Variants in SLC47A2 observed in about 807,000 individuals in gnomAD.
The protein encoded by SLC47A2 is solute carrier family 47 member 2, also known as multidrug and toxin extrusion protein 2.
Under a neutral mutation model 67.7 loss-of-function variants are expected in SLC47A2, and 52 were observed. The ratio of observed to expected loss-of-function variants is 0.77; its 90% CI spans 0.61 to 0.97. The LOEUF is 0.97. Among genes scored for constraint, SLC47A2 ranks in the 50% least tolerant of loss-of-function variants. The pLI, the probability that SLC47A2 is intolerant of heterozygous loss-of-function variation, is 0.00. For synonymous variants in SLC47A2, 278 were observed against 292.9 expected, an observed-to-expected ratio of 0.95 and a Z score of 0.52; for missense variants, 676 against 712.3, an observed-to-expected ratio of 0.95 and a Z score of 0.58.
chr17:19,714,520 C>T (rs1029468727), intron 3 of SLC47A2: 4 of 646,898 alleles, frequency 6.2e-6, no homozygotes, highest in Non-Finnish European at 1.1e-5. Flanking sequence ...CCCCTTTCTC[C>T]TGGCCCAGAC....
intron 10 of SLC47A2, 97 bp downstream of exon 10, chr17:19,705,339 G>C (rs969751406): frequency 1.5e-6 from 2 of 1,343,326 alleles, no homozygotes; most frequent in African/African-American, 1.5e-5. Context: ...TCCTTCGGGA[G>C]ACAGAGATAG....
At chr17:19,716,288 G>C in intron 1 of SLC47A2, 145 bp downstream of exon 1, 1 of 1,298,364 alleles carries the variant, frequency 7.7e-7, no homozygotes, top group South Asian at 1.6e-5. Flanking sequence ...CCATCCTGCT[G>C]TCCCCAGACT....
chr17:19,716,579 C>G lies in SLC47A2; in HGVS notation c.-24G>C, dbSNP rs2086275011. 4.4e-6 allele frequency: 7 copies of G among 1,573,036 alleles called. No individual in the cohort carries two copies. In the East Asian group the frequency reaches 1.6e-4, roughly 36 times the overall value. Reference sequence around the variant, plus strand: ...ATTCCTGGCCGGGGCACTGGCTACCCTGCACGCCTGAGCGCCTGCACGGCC... The same window carrying G: ...ATTCCTGGCCGGGGCACTGGCTACCGTGCACGCCTGAGCGCCTGCACGGCC... On this transcript the variant is annotated 5_prime_UTR_variant, in exon 1 of 17. Transcript: ENST00000433844.
intron 10 of SLC47A2, 48 bp from the exon 11 acceptor site, chr17:19,704,226 C>T (rs1370325804): frequency 1.5e-5 from 22 of 1,507,758 alleles, no homozygotes; most frequent in Non-Finnish European, 2.0e-5. Context: ...ACCCTCCAAC[C>T]CCTGAAGTCC....
At chr17:19,687,975 C>G (rs1028041767) in intron 13 of SLC47A2, among the ~76,000 whole-genome samples, 3 of 152,120 alleles carry the variant, frequency 2.0e-5, no homozygotes, top group African/African-American at 7.2e-5. Flanking sequence ...GAACCAATAC[C>G]AGTCCTATTA....
chr17:19,707,403 A>G (rs1567631654), intron 8 of SLC47A2, among the ~76,000 whole-genome samples: 2 of 152,200 alleles, frequency 1.3e-5, no homozygotes, highest in South Asian at 2.1e-4. Context: ...TGAGGTTTAA[A>G]TGAATTCAGG....
chr17:19,705,845 C>A (rs2085920556), intron 9 of SLC47A2, among the ~76,000 whole-genome samples: 1 of 152,160 alleles, frequency 6.6e-6, no homozygotes, highest in African/African-American at 2.4e-5. Context: ...GTGATCCACC[C>A]ACCTCGGCCT....
At position 19,685,522 on chromosome 17, in the gene SLC47A2, G is replaced by A. The variant is rs1271108280; in HGVS notation, c.1165-3852C>T. On this transcript the variant is annotated intron_variant, in intron 13 of 16. Coordinates refer to ENST00000433844, the MANE Select transcript of SLC47A2 (RefSeq NM_001099646.3). This position sits in a 1 kb window ranked among gnomAD's most constrained non-coding sequence, Gnocchi z 4.5. ...CATCTGGGAGGTGAGGAGCGCCTCTGCCTGGCCGCCCCGTCTGGGAGGGTT... is the reference window on the plus strand; with the variant it reads ...CATCTGGGAGGTGAGGAGCGCCTCTACCTGGCCGCCCCGTCTGGGAGGGTT... 6.6e-6 allele frequency among the ~76,000 whole-genome samples: 1 copy of A among 152,192 alleles called. No individual in the cohort carries two copies. The highest frequency in any genetic ancestry group is 1.5e-5 in the Non-Finnish European group (1 of 68,040).
Position 19,681,530 on chromosome 17 carries a change from C to T in SLC47A2, c.1297+8G>A, listed in dbSNP as rs754441994. The T allele has an allele frequency of 2.5e-6, 4 of 1,614,234 alleles. No homozygotes were observed. In the South Asian group the frequency reaches 3.3e-5, roughly 13 times the overall value. ...CCAGGCCTCTCCCGACTTCCTCACACCACATACCCATGATTCTCATTCTGA... is the reference window on the plus strand; with the variant it reads ...CCAGGCCTCTCCCGACTTCCTCACATCACATACCCATGATTCTCATTCTGA... On this transcript the variant is annotated splice_region_variant and intron_variant, in intron 14 of 16. Transcript: ENST00000433844.
intron 10 of SLC47A2, chr17:19,705,233 T>C (rs2085898173): frequency 2.0e-6 from 1 of 493,832 alleles, no homozygotes; most frequent in Non-Finnish European, 3.5e-6. Context: ...GAGTGAAATA[T>C]CACCCTTGGT....
rs539075023 is a variant in SLC47A2, at chr17:19,702,214, C to G, written c.1164+391G>C. ...GTTCCTTCTGTGTTCTGGGTGGGCT[C>G]GTTCCCTTGTAGAAATGTCCCTCTG... On this transcript the variant is annotated intron_variant, in intron 13 of 16. Coordinates refer to ENST00000433844, the MANE Select transcript of SLC47A2 (RefSeq NM_001099646.3). 3.0e-6 allele frequency: 3 copies of G among 985,224 alleles called. No homozygotes were observed. The East Asian group carries it at 3.4e-4, about 112-fold the overall frequency. The allele number at this position is 985,224 out of a possible 1,614,324, so 61.0% of individuals were successfully genotyped here. A position where few individuals can be genotyped will look rare whatever the true frequency, so the allele number is the denominator to read the frequency against.
chr17:19,681,277 G>A (rs778984595), intron 15 of SLC47A2, 90 bp downstream of exon 15: 4 of 1,048,558 alleles, frequency 3.8e-6, no homozygotes, highest in Admixed American at 2.7e-5. Context: ...AAGTTCTGAT[G>A]TGCTCTGGGC....
At chr17:19,703,237 G>T (rs1166747966) in intron 11 of SLC47A2, 70 bp from the exon 12 acceptor site, 4 of 1,463,488 alleles carry the variant, frequency 2.7e-6, no homozygotes, top group Non-Finnish European at 3.8e-6. Flanking sequence ...GATCAGCAAA[G>T]GGCTGGCCCC....
At chr17:19,713,242 G>A (rs1422719871) in intron 4 of SLC47A2, among the ~76,000 whole-genome samples, 1 of 152,032 alleles carries the variant, frequency 6.6e-6, no homozygotes, top group Non-Finnish European at 1.5e-5. Flanking sequence ...ACAAAAATTA[G>A]CCTGGTGTGG....
intron 13 of SLC47A2, among the ~76,000 whole-genome samples, chr17:19,692,026 G>A (rs866711656): frequency 5.9e-5 from 9 of 152,152 alleles, no homozygotes; most frequent in South Asian, 2.1e-4. Context: ...TCAGGAATTC[G>A]AGACCAGCCT....
In SLC47A2 at chr17:19,680,052, G is replaced by T; in HGVS notation, c.1393-13C>A. The T allele has an allele frequency of 2.5e-6, 4 of 1,612,574 alleles. No individual in the cohort carries two copies. Among genetic ancestry groups the T allele is most frequent in the Non-Finnish European group, 3.4e-6 (4 of 1,179,418 alleles). ...AATGTTTCTTAGCCTAAAGGAGAAA[G>T]AACTCAATTGGGTCAACCTGCCAGC... On this transcript the variant is annotated splice_polypyrimidine_tract_variant and intron_variant, in intron 15 of 16. Coordinates refer to ENST00000433844, the MANE Select transcript of SLC47A2 (RefSeq NM_001099646.3).
rs776393926 is a variant in SLC47A2, at chr17:19,714,823, T to G, written c.226-34A>C. On this transcript the variant is annotated intron_variant, in intron 2 of 16. Coordinates refer to ENST00000433844, the MANE Select transcript of SLC47A2 (RefSeq NM_001099646.3). Reference sequence around the variant, plus strand: ...ACACACAGGAGGAAACAAGAGCTTGTCAGGTGAGGCCTGAAGAGAGGCCCC... The same window carrying G: ...ACACACAGGAGGAAACAAGAGCTTGGCAGGTGAGGCCTGAAGAGAGGCCCC... 5.0e-6 allele frequency: 8 copies of G among 1,613,446 alleles called. No individual in the cohort carries two copies. In the African/African-American group the frequency reaches 6.7e-5, roughly 13 times the overall value.
At chr17:19,714,055 G>A (rs1567638524) in intron 3 of SLC47A2, 82 bp from the exon 4 acceptor site, 2 of 1,516,382 alleles carry the variant, frequency 1.3e-6, no homozygotes, top group South Asian at 1.3e-5. Flanking sequence ...GGCTGTCAGC[G>A]GCGCCAGCGG....
intron 2 of SLC47A2, 48 bp from the exon 3 acceptor site, chr17:19,714,837 AAG>A: frequency 6.2e-7 from 1 of 1,611,302 alleles, no homozygotes; most frequent in Non-Finnish European, 8.5e-7. Context: ...GTGAGGCCTG[AAG>A]AGAGGCCCCT....
Sources: allele counts gnomAD v4.1 joint callset (sites outside exome capture counted in the v4.1 genomes callset), GRCh38; gene constraint gnomAD v4.1.1; non-coding constraint Gnocchi (gnomAD v3.1); transcripts MANE v1.5; gene names NCBI Gene and HGNC (gene_info 2026-07-23, HGNC 2026-07-21).